CHID1: variants seen among roughly 807,000 people sequenced by gnomAD.
The protein encoded by CHID1 is chitinase domain containing 1.
In CHID1, 44 loss-of-function variants were observed where a neutral mutation model predicts 55.4. That is an observed-to-expected ratio of 0.79 (90% CI 0.62 to 1.02). The LOEUF is 1.02. Ranked by LOEUF, CHID1 falls within the 50% of genes least tolerant of loss-of-function variation. The probability of loss-of-function intolerance (pLI) is 0.00; values close to 1 mark genes in which losing one functional copy is unlikely to be tolerated. For synonymous variants in CHID1, 216 were observed against 212.9 expected, an observed-to-expected ratio of 1.01 and a Z score of -0.13; for missense variants, 491 against 515.3, an observed-to-expected ratio of 0.95 and a Z score of 0.46.
At chr11:894,588 C>T (rs1049092767) in intron 7 of CHID1, among the ~76,000 whole-genome samples, 5 of 152,332 alleles carry the variant, frequency 3.3e-5, no homozygotes, top group Admixed American at 2.0e-4. Context: ...GTCACTCTCA[C>T]GCTGCAGGCC....
Position 875,989 on chromosome 11 carries a change from TG to T in CHID1, c.960-5491del, listed in dbSNP as rs1211949364. 6.6e-6 allele frequency among the ~76,000 whole-genome samples: 1 copy of T among 151,940 alleles called. No homozygotes were observed. The highest frequency in any genetic ancestry group is 1.5e-5 in the Non-Finnish European group (1 of 67,972). On this transcript the variant is annotated intron_variant, in intron 10 of 12. Transcript: ENST00000323578. The surrounding 1 kb of genome is among the most constrained non-coding windows in gnomAD (Gnocchi z 4.7). ...ATTGCTTGGCGGTGCACGTGGTGTGTGGGGGCATGTGAGGCTGGGGGCTGTC... is the reference window on the plus strand; with the variant it reads ...ATTGCTTGGCGGTGCACGTGGTGTGTGGGGCATGTGAGGCTGGGGGCTGTC...
intron 10 of CHID1, among the ~76,000 whole-genome samples, chr11:876,823 G>T (rs186968599): frequency 1.3e-5 from 2 of 152,348 alleles, no homozygotes; most frequent in Admixed American, 6.5e-5. Flanking sequence ...CCTGGCCAAG[G>T]TCTCTAGGCA....
chr11:884,995 C>T (rs1170360625), intron 8 of CHID1, among the ~76,000 whole-genome samples: 1 of 152,212 alleles, frequency 6.6e-6, no homozygotes, highest in Non-Finnish European at 1.5e-5. Flanking sequence ...GATCTATAAG[C>T]CAAGGGGAGA....
intron 5 of CHID1, 65 bp from the exon 6 acceptor site, chr11:900,175 G>T: frequency 7.3e-7 from 1 of 1,361,452 alleles, no homozygotes; most frequent in Non-Finnish European, 1.0e-6. Flanking sequence ...CCTGCTGTTT[G>T]CTGCCTCAAA....
intron 1 of CHID1, among the ~76,000 whole-genome samples, chr11:909,021 T>A (rs764528114): frequency 2.0e-5 from 3 of 152,040 alleles, no homozygotes; most frequent in Non-Finnish European, 4.4e-5. Flanking sequence ...TGTGATGGAG[T>A]GCTTGGATAC....
At chr11:892,780 C>A (rs978838725) in intron 8 of CHID1, among the ~76,000 whole-genome samples, 2 of 152,230 alleles carry the variant, frequency 1.3e-5, no homozygotes, top group Non-Finnish European at 2.9e-5. Flanking sequence ...GTTGACTGTG[C>A]AAAGGGCCCT....
chr11:870,857 G>A (rs1385711447), intron 10 of CHID1: 4 of 226,388 alleles, frequency 1.8e-5, no homozygotes, highest in Non-Finnish European at 3.5e-5. Flanking sequence ...CAGACCCCAG[G>A]TGAGAGGCTA....
intron 1 of CHID1, among the ~76,000 whole-genome samples, chr11:906,715 C>T (rs528432359): frequency 3.7e-4 from 56 of 152,184 alleles, no homozygotes; most frequent in Non-Finnish European, 7.5e-4. Context: ...ATGCCCTTCA[C>T]GTGGAAGCTT....
rs749824532 is a variant in CHID1 at position 903,065 on chromosome 11, G to A, written c.158C>T (p.Thr53Met). ...KPVQDRGLVV[T>M]DLKAESVVLE... Reference sequence around the variant, plus strand: ...AACCACACTCTCAGCTTTGAGGTCCGTCACCACCAAACCCCGGTCTTGCAC... The same window carrying A: ...AACCACACTCTCAGCTTTGAGGTCCATCACCACCAAACCCCGGTCTTGCAC... Residue 53 changes from threonine to methionine, a missense_variant, in exon 3 of 13, where the codon ACG becomes ATG. Physicochemically the swap from Thr to Met is moderately conservative, Grantham distance 81. Transcript: ENST00000323578. The A allele has an allele frequency of 2.8e-5, 45 of 1,613,362 alleles. No individual in the cohort carries two copies. The highest frequency in any genetic ancestry group is 3.3e-5 in the Non-Finnish European group (39 of 1,179,972).
At chr11:883,469 G>A (rs549629285) in intron 9 of CHID1, among the ~76,000 whole-genome samples, 166 bp from the exon 10 acceptor site, 11 of 152,088 alleles carry the variant, frequency 7.2e-5, no homozygotes, top group African/African-American at 2.7e-4. Flanking sequence ...TCAGCAGAGC[G>A]GGCCCATGAG....
In CHID1 at chr11:881,451, G is replaced by A. The variant is rs1589834855; in HGVS notation, c.959+1697C>T. On this transcript the variant is annotated intron_variant, in intron 10 of 12. Transcript: ENST00000323578. ...GGTGAGGGAAAGGACCACGTCGGGC[G>A]GTAGGCTGGGTGGTGAGGGAAAGGA... is the stretch of plus-strand genomic sequence containing the variant. Among the ~76,000 whole-genome samples, 7 of 79,434 alleles carry A rather than the reference G, an allele frequency of 8.8e-5. No individual in the cohort carries two copies. In the East Asian group the frequency reaches 1.7e-3, roughly 19 times the overall value. 52.1% of individuals were successfully genotyped at this position (79,434 alleles called of 152,430 possible). A position where few individuals can be genotyped will look rare whatever the true frequency, so the allele number is the denominator to read the frequency against.
At chr11:912,039 A>G (rs765879678), upstream of CHID1, among the ~76,000 whole-genome samples, 21 of 152,266 alleles carry the variant, frequency 1.4e-4, no homozygotes, top group South Asian at 1.7e-3. Flanking sequence ...AAAGAATTGC[A>G]GAATCGATCG....
At chr11:902,067 G>T in intron 4 of CHID1, 131 bp downstream of exon 4, 1 of 968,844 alleles carries the variant, frequency 1.0e-6, no homozygotes, top group Non-Finnish European at 1.6e-6. Flanking sequence ...AAATCACGCA[G>T]AGACACACAC....
intron 10 of CHID1, among the ~76,000 whole-genome samples, chr11:882,058 G>T (rs1478785259): frequency 6.6e-6 from 1 of 152,020 alleles, no homozygotes; most frequent in East Asian, 1.9e-4. Context: ...CCGGTGTGGT[G>T]GCTCACCCCT....
At chr11:870,315 C>T (rs1045511333) in intron 11 of CHID1, 104 bp downstream of exon 11, 16 of 1,347,382 alleles carry the variant, frequency 1.2e-5, no homozygotes, top group Admixed American at 3.7e-5. Flanking sequence ...CAAGTGAGCT[C>T]GTGACCCTGA....
chr11:911,364 C>G (rs1047835417), upstream of CHID1: 7 of 152,282 alleles, frequency 4.6e-5, no homozygotes, highest in Non-Finnish European at 7.3e-5. Context: ...GCACATTGCA[C>G]GAGCCGGAGC....
chr11:883,382 G>T, intron 9 of CHID1, 79 bp from the exon 10 acceptor site: 1 of 1,411,548 alleles, frequency 7.1e-7, no homozygotes, highest in Non-Finnish European at 9.7e-7. Flanking sequence ...CTCCACTGAG[G>T]GGTGCATCCT....
chr11:914,553 AT>A (rs774166187), upstream of CHID1: 5 of 1,289,304 alleles, frequency 3.9e-6, no homozygotes, highest in South Asian at 6.2e-5. Context: ...CAGCCTGAGG[AT>A]GCCTCTCACA....
intron 10 of CHID1, among the ~76,000 whole-genome samples, chr11:880,694 C>T (rs544553758): frequency 3.2e-4 from 48 of 152,316 alleles, no homozygotes; most frequent in Non-Finnish European, 6.0e-4. Context: ...GGGGTGATGG[C>T]CTGGCCTCGG....
Sources: gnomAD v4.1 joint callset for allele counts (sites outside exome capture counted in the v4.1 genomes callset) on GRCh38, gnomAD v4.1.1 for gene constraint, Gnocchi (gnomAD v3.1) non-coding constraint, MANE v1.5 for transcripts, NCBI Gene and HGNC (gene_info 2026-07-23, HGNC 2026-07-21) for gene names.